Variants in PLPP7 observed in about 807,000 individuals in gnomAD.
PLPP7 encodes the protein phospholipid phosphatase 7 (inactive), also known as inactive phospholipid phosphatase 7.
A neutral mutation model predicts 16.9 loss-of-function variants in PLPP7; 11 were observed. That is an observed-to-expected ratio of 0.65 (90% CI 0.41 to 1.08). The LOEUF (loss-of-function observed/expected upper bound fraction) is 1.08, where lower values mean the gene tolerates loss of function less well. Among genes scored for constraint, PLPP7 ranks in the 50% least tolerant of loss-of-function variants. The pLI is 0.00. For synonymous variants in PLPP7, 174 were observed against 175.1 expected, an observed-to-expected ratio of 0.99 and a Z score of 0.05; for missense variants, 358 against 397.1, an observed-to-expected ratio of 0.90 and a Z score of 0.84.
intron 1 of PLPP7, among the ~76,000 whole-genome samples, chr9:131,294,554 G>A (rs140030099): frequency 6.6e-6 from 1 of 152,298 alleles, no homozygotes; most frequent in Non-Finnish European, 1.5e-5. Flanking sequence ...GCCCATCCCA[G>A]TTCACTAAGC....
chr9:131,304,726 G>A (rs954208560), intron 1 of PLPP7, among the ~76,000 whole-genome samples: 4 of 152,234 alleles, frequency 2.6e-5, no homozygotes, highest in African/African-American at 2.4e-5. Flanking sequence ...GGAGACTGTG[G>A]CTCTGTTTCT....
intron 1 of PLPP7, chr9:131,291,064 T>C (rs1469343995): frequency 1.5e-6 from 2 of 1,366,140 alleles, no homozygotes; most frequent in East Asian, 4.6e-5. Flanking sequence ...GGGGGGCCAG[T>C]TGTGGGTTTG....
At chr9:131,296,824 A>T (rs1375453608) in intron 1 of PLPP7, among the ~76,000 whole-genome samples, 4 of 152,128 alleles carry the variant, frequency 2.6e-5, no homozygotes, top group Admixed American at 1.3e-4. Flanking sequence ...AGGGGTTCAG[A>T]TGCTCCAGAT....
chr9:131,308,007 T>A lies in PLPP7; in HGVS notation c.536T>A (p.Leu179Gln), dbSNP rs781669164. 1 of 1,600,942 alleles carries A rather than the reference T, an allele frequency of 6.2e-7. No homozygotes were observed. The highest frequency in any genetic ancestry group is 1.1e-5 in the South Asian group (1 of 91,070). The part of the protein sequence containing the change: ...RGPYETSPSL[L>Q]DYLTMDIYAF... ...CCGTACGAGACGAGCCCCAGCCTCC[T>A]GGACTACCTCACCATGGACATCTAC... Residue 179 changes from leucine (L) to glutamine (Q), a missense_variant, in exon 2 of 2, where the codon CTG (leucine) becomes CAG (glutamine). By Grantham distance (113) the Leu-to-Gln change is moderately radical. Transcript: ENST00000372264.
chr9:131,295,826 G>A lies in PLPP7; in HGVS notation c.451+5378G>A, dbSNP rs920535353. ...GAGGTCCATCCATGCTGTAGCGGGCGCCGGCATTTCCTTCCTCTCTAAGGC... is the reference window on the plus strand; with the variant it reads ...GAGGTCCATCCATGCTGTAGCGGGCACCGGCATTTCCTTCCTCTCTAAGGC... On this transcript the variant is annotated intron_variant, in intron 1 of 1. Transcript: ENST00000372264. This position sits in a 1 kb window ranked among gnomAD's most constrained non-coding sequence, Gnocchi z 4.0. Among the ~76,000 whole-genome samples, 3 of 152,126 alleles carry A rather than the reference G, an allele frequency of 2.0e-5. No homozygotes were observed.
rs751572250 is a variant in PLPP7, at chr9:131,290,248, C to T, written c.251C>T (p.Ser84Phe). The change falls in exon 1 of 2, where the codon TCC becomes TTC. Residue 84 changes from serine to phenylalanine, a missense_variant. By Grantham distance (155) the Ser-to-Phe change is radical (BLOSUM62 -2). Transcript: ENST00000372264. This position sits in a 1 kb window ranked among gnomAD's most constrained non-coding sequence, Gnocchi z 4.2. ...TCCTTCAAGGGCATCGCCTTCAACT[C>T]CCTGCTGGCCATCGATATCTGTATG... ...NPSFKGIAFN[S>F]LLAIDICMSK... is the part of the protein sequence containing the mutation. 2 of 1,611,536 alleles carry T rather than the reference C, an allele frequency of 1.2e-6. No homozygotes were observed. Among genetic ancestry groups the T allele is most frequent in the Non-Finnish European group, 1.7e-6 (2 of 1,178,644 alleles).
intron 1 of PLPP7, among the ~76,000 whole-genome samples, chr9:131,296,595 C>T (rs771257750): frequency 6.6e-6 from 1 of 152,184 alleles, no homozygotes; most frequent in South Asian, 2.1e-4. Context: ...GATTACAAGG[C>T]TAGATCAAGA....
intron 1 of PLPP7, among the ~76,000 whole-genome samples, chr9:131,300,719 G>C (rs1436391396): frequency 6.7e-6 from 1 of 150,230 alleles, no homozygotes; most frequent in East Asian, 1.9e-4. Flanking sequence ...AAAAAGGGAA[G>C]GTGTGGGTCT....
chr9:131,303,647 G>C (rs368938515), intron 1 of PLPP7, among the ~76,000 whole-genome samples: 8 of 152,138 alleles, frequency 5.3e-5, no homozygotes, highest in Non-Finnish European at 1.0e-4. Context: ...TGGGCCAGGC[G>C]TTTGGGGGAC....
intron 1 of PLPP7, among the ~76,000 whole-genome samples, chr9:131,307,710 C>T (rs372882470): frequency 8.5e-5 from 13 of 152,238 alleles, no homozygotes; most frequent in South Asian, 2.1e-4. Flanking sequence ...AAGGCTTCTC[C>T]GCTAAAGGAA....
rs1013712156 is a variant in PLPP7 at position 131,307,602 on chromosome 9, C to T, written c.452-321C>T. On this transcript the variant is annotated intron_variant, in intron 1 of 1. Transcript: ENST00000372264. The stretch of plus-strand genomic sequence containing the variant: ...AAAAAAAACCCAAAGAAATAAAATG[C>T]GTATTATGTCAGGGCATGAGAAAAG... 8.7e-5 allele frequency among the ~76,000 whole-genome samples: 12 copies of T among 138,244 alleles called. 1 individual carries two copies. The highest frequency in any genetic ancestry group is 4.1e-4 in the East Asian group (2 of 4,826). The allele number at this position is 138,244 out of a possible 152,430, so 90.7% of individuals were successfully genotyped here. A position where few individuals can be genotyped will look rare whatever the true frequency, so the allele number is the denominator to read the frequency against.
chr9:131,302,247 A>G (rs1835807484), intron 1 of PLPP7, among the ~76,000 whole-genome samples: 1 of 152,008 alleles, frequency 6.6e-6, no homozygotes. Flanking sequence ...CCCCCTCCCC[A>G]TGAACTGCCT....
intron 1 of PLPP7, among the ~76,000 whole-genome samples, chr9:131,297,665 C>T (rs1250818201): frequency 6.6e-6 from 1 of 152,176 alleles, no homozygotes; most frequent in Non-Finnish European, 1.5e-5. Context: ...GGATTACAGG[C>T]GTGAGCCACT....
At position 131,295,790 on chromosome 9, in the gene PLPP7, A is replaced by G. The variant is rs956168494; in HGVS notation, c.451+5342A>G. ...TTGTGGCTGGCTGATTTCATTTAGC[A>G]TGATATCCTCGAGGTCCATCCATGC... is the stretch of plus-strand genomic sequence containing the variant. On this transcript the variant is annotated intron_variant, in intron 1 of 1. Coordinates refer to ENST00000372264, the MANE Select transcript of PLPP7 (RefSeq NM_032728.4). This position sits in a 1 kb window ranked among gnomAD's most constrained non-coding sequence, Gnocchi z 4.0. Among the ~76,000 whole-genome samples, 4 of 152,140 alleles carry G rather than the reference A, an allele frequency of 2.6e-5. No homozygotes were observed. The East Asian group carries it at 5.8e-4, about 22-fold the overall frequency.
rs751080360 is a variant in PLPP7 at position 131,289,982 on chromosome 9, G to A, written c.-16G>A. On this transcript the variant is annotated 5_prime_UTR_variant, in exon 1 of 2. Transcript: ENST00000372264. ...GCCGGGCTGGCATCGGCCTTCTCGGGGTGAGCGAGGTCACCATGCCAGCTT... is the reference window on the plus strand; with the variant it reads ...GCCGGGCTGGCATCGGCCTTCTCGGAGTGAGCGAGGTCACCATGCCAGCTT... 6 of 1,423,716 alleles carry A rather than the reference G, an allele frequency of 4.2e-6. No individual in the cohort carries two copies. The South Asian group carries it at 5.0e-5, about 12-fold the overall frequency. 88.2% of individuals were successfully genotyped at this position (1,423,716 alleles called of 1,614,324 possible). A position where few individuals can be genotyped will look rare whatever the true frequency, so the allele number is the denominator to read the frequency against.
At chr9:131,300,480 T>A (rs2131217868) in intron 1 of PLPP7, among the ~76,000 whole-genome samples, 1 of 151,076 alleles carries the variant, frequency 6.6e-6, no homozygotes, top group African/African-American at 2.4e-5. Context: ...AGCTCAGGAG[T>A]TCAAGACCAG....
At chr9:131,297,058 T>A (rs771358721) in intron 1 of PLPP7, among the ~76,000 whole-genome samples, 11 of 152,364 alleles carry the variant, frequency 7.2e-5, no homozygotes, top group South Asian at 2.1e-4. Flanking sequence ...AGCATCTCAG[T>A]GGGCCTCAGT....
intron 1 of PLPP7, among the ~76,000 whole-genome samples, chr9:131,307,412 C>T (rs1013252862): frequency 6.6e-6 from 1 of 151,264 alleles, no homozygotes; most frequent in African/African-American, 2.4e-5. Flanking sequence ...ATTAGCTGGA[C>T]GTGGTGGTGG....
At chr9:131,301,499 C>T (rs1835797919) in intron 1 of PLPP7, among the ~76,000 whole-genome samples, 1 of 152,224 alleles carries the variant, frequency 6.6e-6, no homozygotes, top group Non-Finnish European at 1.5e-5. Context: ...CACCAGGAGG[C>T]CTTGCTTGGC....
Sources: gnomAD v4.1 joint callset for allele counts (sites outside exome capture counted in the v4.1 genomes callset) on GRCh38, gnomAD v4.1.1 for gene constraint, Gnocchi (gnomAD v3.1) non-coding constraint, MANE v1.5 for transcripts, NCBI Gene and HGNC (gene_info 2026-07-23, HGNC 2026-07-21) for gene names.